The following MRAS variants were observed in gnomAD, a reference collection of about 807,000 sequenced individuals.
The protein encoded by MRAS is muscle RAS oncogene homolog.
A neutral mutation model predicts 20.9 loss-of-function variants in MRAS; 4 were observed. The ratio of observed to expected loss-of-function variants is 0.19; its 90% CI spans 0.09 to 0.44. The LOEUF is 0.44. Among genes scored for constraint, MRAS ranks in the 20% least tolerant of loss-of-function variants. MRAS has a pLI of 0.99. For synonymous variants in MRAS, 98 were observed against 102.9 expected (o/e 0.95, Z 0.29); for missense variants, 154 against 277.5 (o/e 0.56, Z 3.16).
At chr3:138,389,212 T>C (rs938999200) in intron 2 of MRAS, among the ~76,000 whole-genome samples, 1 of 152,118 alleles carries the variant, frequency 6.6e-6, no homozygotes, top group African/African-American at 2.4e-5. Context: ...AACCCAGTGA[T>C]GGCATTTTCT....
At chr3:138,390,440 C>T (rs1277407112) in intron 2 of MRAS, among the ~76,000 whole-genome samples, 1 of 152,226 alleles carries the variant, frequency 6.6e-6, no homozygotes, top group Non-Finnish European at 1.5e-5. Flanking sequence ...GTCTGTCTCT[C>T]TCTCACAAAC....
intron 2 of MRAS, among the ~76,000 whole-genome samples, chr3:138,378,911 C>G (rs2054841611): frequency 6.6e-6 from 1 of 152,108 alleles, no homozygotes; most frequent in African/African-American, 2.4e-5. Flanking sequence ...AACCACTATT[C>G]TGCTTGCTCC....
At chr3:138,368,907 C>G (rs1050016161) in intron 1 of MRAS, among the ~76,000 whole-genome samples, 2 of 151,994 alleles carry the variant, frequency 1.3e-5, no homozygotes, top group Non-Finnish European at 2.9e-5. Context: ...TTGGGGGGGG[C>G]CGGAGAAACA....
intron 1 of MRAS, chr3:138,349,105 A>G (rs1462702259): frequency 7.1e-4 from 1 of 1,406 alleles, no homozygotes; most frequent in East Asian, 0.018. Context: ...GCGGCGGGGG[A>G]TGGGTGGGTG....
At chr3:138,366,549 G>T (rs2054563590) in intron 1 of MRAS, among the ~76,000 whole-genome samples, 1 of 152,244 alleles carries the variant, frequency 6.6e-6, no homozygotes, top group African/African-American at 2.4e-5. Context: ...CCCTGGGCCA[G>T]CCTCTGAGAA....
At chr3:138,365,861 A>G (rs1236172322) in intron 1 of MRAS, among the ~76,000 whole-genome samples, 1 of 152,152 alleles carries the variant, frequency 6.6e-6, no homozygotes, top group African/African-American at 2.4e-5. Flanking sequence ...GGGGAGCAGC[A>G]CCCATGCCAC....
intron 1 of MRAS, among the ~76,000 whole-genome samples, chr3:138,369,364 G>C (rs2054627400): frequency 6.6e-6 from 1 of 152,168 alleles, no homozygotes; most frequent in South Asian, 2.1e-4. Context: ...GCCTGGTGCT[G>C]ACCCATGAGG....
At chr3:138,390,235 C>T (rs1015817986) in intron 2 of MRAS, among the ~76,000 whole-genome samples, 2 of 152,116 alleles carry the variant, frequency 1.3e-5, no homozygotes. Context: ...CATCTGAAAT[C>T]GATAAGCTCC....
intron 2 of MRAS, among the ~76,000 whole-genome samples, chr3:138,384,847 G>C (rs2054977465): frequency 6.6e-6 from 1 of 152,198 alleles, no homozygotes; most frequent in African/African-American, 2.4e-5. Context: ...GCAGCCAAGT[G>C]AAGAAGGTGC....
At chr3:138,371,267 G>A (rs1372462918) in intron 1 of MRAS, among the ~76,000 whole-genome samples, 1 of 152,144 alleles carries the variant, frequency 6.6e-6, no homozygotes, top group Non-Finnish European at 1.5e-5. Flanking sequence ...AACTACAAAG[G>A]GTTCTGCAAT....
chr3:138,367,197 C>T (rs1469524842), intron 1 of MRAS, among the ~76,000 whole-genome samples: 1 of 152,142 alleles, frequency 6.6e-6, no homozygotes, highest in Non-Finnish European at 1.5e-5. Context: ...GAAGGGAAAG[C>T]AGGGGCCCAA....
At chr3:138,359,949 A>G (rs540159204) in intron 1 of MRAS, among the ~76,000 whole-genome samples, 1 of 152,318 alleles carries the variant, frequency 6.6e-6, no homozygotes, top group East Asian at 1.9e-4. Context: ...ATAGCCAGAA[A>G]TCTGAGTTTT....
intron 1 of MRAS, among the ~76,000 whole-genome samples, chr3:138,369,012 C>G (rs2054620465): frequency 1.3e-5 from 2 of 152,176 alleles, no homozygotes; most frequent in Admixed American, 6.5e-5. Context: ...CTAGCTCACA[C>G]TTGATTCCAA....
At chr3:138,367,650 G>A (rs915054823) in intron 1 of MRAS, among the ~76,000 whole-genome samples, 2 of 152,194 alleles carry the variant, frequency 1.3e-5, no homozygotes, top group Non-Finnish European at 2.9e-5. Flanking sequence ...TGGGTAGAAG[G>A]CCGCACTGGG....
At chr3:138,373,600 T>G (rs2054719376) in intron 2 of MRAS, among the ~76,000 whole-genome samples, 2 of 152,164 alleles carry the variant, frequency 1.3e-5, no homozygotes. Flanking sequence ...CCATACTGAT[T>G]TGGAAATTCT....
chr3:138,402,702 T>C lies in MRAS; in HGVS notation c.*433T>C, dbSNP rs920268738. The C allele has an allele frequency of 1.3e-5, 2 of 157,412 alleles. No individual in the cohort carries two copies. The highest frequency in any genetic ancestry group is 4.8e-5 in the African/African-American group (2 of 41,662). 9.8% of individuals were successfully genotyped at this position (157,412 alleles called of 1,614,324 possible). The stretch of plus-strand genomic sequence containing the variant: ...TCTGAGCTTGGATGTCTTTTATAGA[T>C]TTTTAAATTATTTTAGTGATTATTA... On this transcript the variant is annotated 3_prime_UTR_variant, in exon 6 of 6. Transcript: ENST00000423968.
chr3:138,394,890 G>A (rs1263032062), intron 2 of MRAS, among the ~76,000 whole-genome samples: 2 of 152,052 alleles, frequency 1.3e-5, no homozygotes, highest in African/African-American at 2.4e-5. Context: ...CCCACTCCCC[G>A]CCCTCGGCTC....
At chr3:138,382,939 G>C (rs2054935114) in intron 2 of MRAS, among the ~76,000 whole-genome samples, 1 of 152,168 alleles carries the variant, frequency 6.6e-6, no homozygotes, top group African/African-American at 2.4e-5. Flanking sequence ...TGTGTTGGGT[G>C]ATGCCACCTT....
chr3:138,373,999 A>T (rs2054729645), intron 2 of MRAS, among the ~76,000 whole-genome samples: 1 of 151,748 alleles, frequency 6.6e-6, no homozygotes, highest in Admixed American at 6.6e-5. Context: ...CTCTGTCACC[A>T]GGTTGGTGGA....
Sources: allele counts gnomAD v4.1 joint callset (sites outside exome capture counted in the v4.1 genomes callset), GRCh38; gene constraint gnomAD v4.1.1; transcripts MANE v1.5; gene names NCBI Gene and HGNC (gene_info 2026-07-23, HGNC 2026-07-21).